CSPP1: variants seen among roughly 807,000 people sequenced by gnomAD.
The protein encoded by CSPP1 is centrosome and spindle pole-associated protein 1.
A neutral mutation model predicts 164.4 loss-of-function variants in CSPP1; 126 were observed. The observed-to-expected ratio is 0.77, with a 90% CI of 0.66 to 0.89. The LOEUF (loss-of-function observed/expected upper bound fraction) is 0.89, where lower values mean the gene tolerates loss of function less well. Among genes scored for constraint, CSPP1 ranks in the 40% least tolerant of loss-of-function variants. CSPP1 has a pLI of 0.00. For missense variants in CSPP1, 1,395 were observed against 1,449.8 expected (o/e 0.96, Z 0.61); for synonymous variants, 472 against 476.7 (o/e 0.99, Z 0.13).
intron 4 of CSPP1, among the ~76,000 whole-genome samples, chr8:67,090,433 G>A (rs1314063358): frequency 6.6e-6 from 1 of 151,966 alleles, no homozygotes; most frequent in African/African-American, 2.4e-5. Flanking sequence ...CTACAGGTGC[G>A]CGGCCCCAAG....
intron 17 of CSPP1, among the ~76,000 whole-genome samples, chr8:67,140,854 T>C (rs542044896): frequency 6.6e-6 from 1 of 152,146 alleles, no homozygotes; most frequent in Non-Finnish European, 1.5e-5. Flanking sequence ...CAGGGACAAA[T>C]TGAGGATTTT....
chr8:67,187,503 A>G (rs1391434831), intron 28 of CSPP1, among the ~76,000 whole-genome samples: 1 of 152,044 alleles, frequency 6.6e-6, no homozygotes, highest in Non-Finnish European at 1.5e-5. Flanking sequence ...GCAACAAAAC[A>G]ACACCTTGTC....
At chr8:67,183,052 C>T (rs1394663068) in intron 28 of CSPP1, among the ~76,000 whole-genome samples, 1 of 152,180 alleles carries the variant, frequency 6.6e-6, no homozygotes, top group East Asian at 1.9e-4. Context: ...GTTGCCAAAT[C>T]CAATACCATG....
In CSPP1 at chr8:67,190,722, G is replaced by A. The variant is rs911206167; in HGVS notation, c.3293G>A (p.Arg1098Gln). The A allele has an allele frequency of 1.2e-6, 2 of 1,613,744 alleles. No homozygotes were observed. The highest frequency in any genetic ancestry group is 1.7e-5 in the Admixed American group (1 of 59,990). ...LPPPSQLPSA[R>Q]ERRRNKWKGL... ...CCACCATCACAGTTGCCCTCTGCAC[G>A]GGAGCGCAGGAGGAACAAATGGAAA... The change falls in exon 29 of 31, where the codon CGG becomes CAG. Residue 1098 changes from arginine to glutamine, a missense_variant. By Grantham distance (43) the Arg-to-Gln change is conservative. Transcript: ENST00000678616.
chr8:67,099,300 T>C (rs781715843), intron 7 of CSPP1: 8 of 152,098 alleles, frequency 5.3e-5, no homozygotes, highest in Non-Finnish European at 1.0e-4. Flanking sequence ...TTTAGATAGA[T>C]TTTCTATGGC....
At chr8:67,119,077 T>C (rs1818492659) in intron 15 of CSPP1, among the ~76,000 whole-genome samples, 1 of 152,204 alleles carries the variant, frequency 6.6e-6, no homozygotes, top group Non-Finnish European at 1.5e-5. Flanking sequence ...CCATTCTATG[T>C]CTCTGATTTT....
chr8:67,116,923 A>G (rs914351242), intron 13 of CSPP1, among the ~76,000 whole-genome samples: 9 of 152,032 alleles, frequency 5.9e-5, no homozygotes, highest in African/African-American at 1.9e-4. Flanking sequence ...TGTTTACTAT[A>G]CTTATCAGGG....
intron 26 of CSPP1, among the ~76,000 whole-genome samples, chr8:67,177,452 A>G (rs1024062405): frequency 6.6e-6 from 1 of 152,188 alleles, no homozygotes; most frequent in Non-Finnish European, 1.5e-5. Context: ...TACATTTGCA[A>G]TGATTTTACT....
chr8:67,143,227 A>G (rs1393116698), intron 17 of CSPP1, among the ~76,000 whole-genome samples: 1 of 151,598 alleles, frequency 6.6e-6, no homozygotes, highest in Non-Finnish European at 1.5e-5. Context: ...CTATATTTCT[A>G]TCCTTTTGCC....
In CSPP1 at chr8:67,190,688, G is replaced by A. The variant is rs778723931; in HGVS notation, c.3259G>A (p.Val1087Ile). ...GETYPAIEDDVLPPPSQLPSA... is the reference protein window; with the variant it reads ...GETYPAIEDDILPPPSQLPSA... Reference sequence around the variant, plus strand: ...GACATATCCTGCCATTGAAGATGACGTCCTCCCTCCACCATCACAGTTGCC... The same window carrying A: ...GACATATCCTGCCATTGAAGATGACATCCTCCCTCCACCATCACAGTTGCC... Residue 1087 changes from valine to isoleucine, a missense_variant, in exon 29 of 31, where the codon GTC becomes ATC. Transcript: ENST00000678616. 6 of 1,614,088 alleles carry A rather than the reference G, an allele frequency of 3.7e-6. No individual in the cohort carries two copies. The highest frequency in any genetic ancestry group is 2.2e-5 in the East Asian group (1 of 44,874).
At chr8:67,138,176 C>T (rs548391783) in intron 17 of CSPP1, among the ~76,000 whole-genome samples, 156 of 152,096 alleles carry the variant, frequency 1.0e-3, no homozygotes, top group Non-Finnish European at 1.9e-3. Context: ...ACAAATACTT[C>T]GAAAGAGTGG....
At chr8:67,091,404 T>C (rs908816948) in intron 4 of CSPP1, among the ~76,000 whole-genome samples, 2 of 152,226 alleles carry the variant, frequency 1.3e-5, no homozygotes, top group Non-Finnish European at 2.9e-5. Context: ...AAAAAACTTG[T>C]GGCATGCATT....
intron 29 of CSPP1, among the ~76,000 whole-genome samples, chr8:67,191,043 G>A (rs936243696): frequency 1.3e-5 from 2 of 152,188 alleles, no homozygotes; most frequent in African/African-American, 4.8e-5. Context: ...GGATTTCAGA[G>A]AGGCACAAGA....
intron 24 of CSPP1, among the ~76,000 whole-genome samples, chr8:67,170,807 G>A (rs1476810914): frequency 6.6e-6 from 1 of 151,966 alleles, no homozygotes; most frequent in Admixed American, 6.6e-5. Context: ...TTATTTTTGA[G>A]ACGGCTTCTT....
intron 25 of CSPP1, chr8:67,173,793 T>C (rs1056800091): frequency 5.3e-5 from 8 of 152,374 alleles, no homozygotes; most frequent in African/African-American, 1.9e-4. Flanking sequence ...CTGCCAGGCA[T>C]TGTGTTAACC....
chr8:67,150,021 A>G (rs1019914092), intron 18 of CSPP1, 86 bp downstream of exon 18: 28 of 1,264,022 alleles, frequency 2.2e-5, no homozygotes, highest in Non-Finnish European at 2.7e-5. Flanking sequence ...CTAAGTTCTT[A>G]TTGGGATCTT....
chr8:67,075,361 C>T (rs1192085734), intron 2 of CSPP1, among the ~76,000 whole-genome samples: 1 of 150,514 alleles, frequency 6.6e-6, no homozygotes, highest in Non-Finnish European at 1.5e-5. Context: ...TACCTGTTGT[C>T]CAGTGTTTTT....
At chr8:67,074,711 A>G (rs529389513) in intron 2 of CSPP1, 27 of 239,440 alleles carry the variant, frequency 1.1e-4, no homozygotes, top group South Asian at 1.1e-3. Flanking sequence ...AGTTTTTTTG[A>G]AATCTGAAAA....
chr8:67,149,845 T>C lies in CSPP1; in HGVS notation c.2038T>C (p.Tyr680His). ...CTACCATAACCCAGATGCAAGAACA[T>C]ATGAAGATAAAAGGGCTGTTGTATC... ...DAYHNPDART[Y>H]EDKRAVVSLD... Residue 680 changes from tyrosine (Y) to histidine (H), a missense_variant, in exon 18 of 31, where the codon TAT becomes CAT. Tyr to His is a moderately conservative substitution (Grantham distance 83). Coordinates refer to ENST00000678616, the MANE Select transcript of CSPP1 (RefSeq NM_001382391.1). 6.2e-7 allele frequency: 1 copy of C among 1,607,898 alleles called. No individual in the cohort carries two copies. The highest frequency in any genetic ancestry group is 1.3e-5 in the African/African-American group (1 of 74,694).
Sources: gnomAD v4.1 joint callset for allele counts (sites outside exome capture counted in the v4.1 genomes callset) on GRCh38, gnomAD v4.1.1 for gene constraint, MANE v1.5 for transcripts, NCBI Gene and HGNC (gene_info 2026-07-23, HGNC 2026-07-21) for gene names.